DYNC1I1: variants seen among roughly 807,000 people sequenced by gnomAD.
DYNC1I1 encodes dynein cytoplasmic 1 intermediate chain 1, also known as cytoplasmic dynein 1 intermediate chain 1.
A neutral mutation model predicts 86.6 loss-of-function variants in DYNC1I1; 43 were observed. The observed-to-expected ratio is 0.50, with a 90% CI of 0.39 to 0.64. DYNC1I1 has a LOEUF of 0.64. DYNC1I1 is among the 30% of genes least tolerant of loss of function. The pLI, the probability that DYNC1I1 is intolerant of heterozygous loss-of-function variation, is 0.00. For synonymous variants in DYNC1I1, 262 were observed against 283.7 expected (o/e 0.92, Z 0.77); for missense variants, 604 against 788.8 (o/e 0.77, Z 2.81).
intron 14 of DYNC1I1, among the ~76,000 whole-genome samples, chr7:96,072,895 T>A (rs937379795): frequency 3.3e-5 from 5 of 152,230 alleles, no homozygotes; most frequent in African/African-American, 1.2e-4. Context: ...CAGATTTTTT[T>A]AATCAGGTCT....
At chr7:95,913,785 T>G (rs966201789) in intron 6 of DYNC1I1, among the ~76,000 whole-genome samples, 2 of 152,238 alleles carry the variant, frequency 1.3e-5, no homozygotes, top group African/African-American at 4.8e-5. Flanking sequence ...CTCTATTCAC[T>G]AATAATGCTA....
intron 5 of DYNC1I1, among the ~76,000 whole-genome samples, chr7:95,833,241 G>T (rs1451173557): frequency 7.2e-6 from 1 of 139,438 alleles, no homozygotes; most frequent in Non-Finnish European, 1.5e-5. Flanking sequence ...TTTCCCCATT[G>T]CTTGTTTTTC....
intron 6 of DYNC1I1, among the ~76,000 whole-genome samples, chr7:95,918,488 G>A (rs921080272): frequency 5.3e-5 from 8 of 152,192 alleles, no homozygotes; most frequent in African/African-American, 1.7e-4. Context: ...TTGTTCATGA[G>A]GGAAATTGTG....
chr7:95,923,936 G>A (rs1017065002), intron 6 of DYNC1I1, among the ~76,000 whole-genome samples: 12 of 152,090 alleles, frequency 7.9e-5, no homozygotes, highest in African/African-American at 2.2e-4. Flanking sequence ...TGACACCAAG[G>A]CATGGGAAGA....
At chr7:95,778,109 C>T (rs1463142959) in intron 1 of DYNC1I1, among the ~76,000 whole-genome samples, 1 of 152,162 alleles carries the variant, frequency 6.6e-6, no homozygotes, top group Admixed American at 6.5e-5. Context: ...TTATATCTTG[C>T]AGTTAAGCAC....
chr7:96,094,392 C>A (rs1256042806), intron 16 of DYNC1I1, among the ~76,000 whole-genome samples: 2 of 152,170 alleles, frequency 1.3e-5, no homozygotes, highest in African/African-American at 4.8e-5. Flanking sequence ...CATTTATGTT[C>A]TTGAGCCTAC....
At chr7:95,794,973 A>G (rs914739755) in intron 1 of DYNC1I1, among the ~76,000 whole-genome samples, 1 of 152,258 alleles carries the variant, frequency 6.6e-6, no homozygotes, top group Non-Finnish European at 1.5e-5. Flanking sequence ...CTCTACAGCC[A>G]CAAATAGGTC....
intron 6 of DYNC1I1, among the ~76,000 whole-genome samples, chr7:95,877,601 A>G (rs1396844201): frequency 6.6e-6 from 1 of 152,252 alleles, no homozygotes. Flanking sequence ...GGCATCCTCA[A>G]AACAATCAAG....
rs529669884 is a variant in DYNC1I1, at chr7:96,035,566, T to C, written c.1231-53T>C. 5 of 1,516,684 alleles carry C rather than the reference T, an allele frequency of 3.3e-6. No homozygotes were observed. The East Asian group carries it at 1.2e-4, about 38-fold the overall frequency. 94.0% of individuals were successfully genotyped at this position (1,516,684 alleles called of 1,614,324 possible). On this transcript the variant is annotated intron_variant, in intron 12 of 16. Transcript: ENST00000447467. ...CCAAATGATTTTTCCGTGCTATCTT[T>C]GGCATGGCAAGGAGTTGACAGATGG...
chr7:95,795,224 A>C (rs542906117), intron 1 of DYNC1I1, among the ~76,000 whole-genome samples: 5 of 152,358 alleles, frequency 3.3e-5, no homozygotes, highest in African/African-American at 1.2e-4. Context: ...AATTAGTAAA[A>C]TCTTGAATAA....
chr7:95,916,498 G>A (rs1183438237), intron 6 of DYNC1I1, among the ~76,000 whole-genome samples: 1 of 152,134 alleles, frequency 6.6e-6, no homozygotes, highest in Admixed American at 6.5e-5. Context: ...AGAATAATCA[G>A]TAGACATTTG....
intron 10 of DYNC1I1, among the ~76,000 whole-genome samples, chr7:96,013,977 C>G (rs558576209): frequency 6.6e-6 from 1 of 152,286 alleles, no homozygotes; most frequent in African/African-American, 2.4e-5. Flanking sequence ...TCCACTACGT[C>G]TGTATCCTAT....
In DYNC1I1 at chr7:96,057,359, T is replaced by C. The variant is rs1044958882; in HGVS notation, c.1509+17938T>C. ...CACAGTAGAAGTTAAAGAAAAAAAA[T>C]GTCTAGAAAGGAGTGATTTAGAGAT... On this transcript the variant is annotated intron_variant, in intron 14 of 16. Transcript: ENST00000447467. Among the ~76,000 whole-genome samples the C allele has an allele frequency of 6.6e-5, 10 of 152,242 alleles. No homozygotes were observed. In the East Asian group the frequency reaches 1.9e-3, roughly 29 times the overall value.
chr7:95,939,918 T>C (rs1792155733), intron 6 of DYNC1I1, among the ~76,000 whole-genome samples: 1 of 152,188 alleles, frequency 6.6e-6, no homozygotes, highest in African/African-American at 2.4e-5. Flanking sequence ...TTTGGCATGA[T>C]TTTGCAGTGG....
At chr7:95,808,261 CAAAT>C (rs898546751) in intron 2 of DYNC1I1, among the ~76,000 whole-genome samples, 9 of 152,110 alleles carry the variant, frequency 5.9e-5, no homozygotes, top group African/African-American at 1.9e-4. Context: ...TTCAATAAAA[CAAAT>C]AAATTTAACA....
chr7:96,080,041 A>G (rs1004544751), intron 15 of DYNC1I1, among the ~76,000 whole-genome samples: 4 of 152,078 alleles, frequency 2.6e-5, no homozygotes, highest in African/African-American at 7.2e-5. Context: ...GAAGGATCCC[A>G]TTTAGCTCCT....
chr7:95,924,724 G>A (rs1173902218), intron 6 of DYNC1I1, among the ~76,000 whole-genome samples: 2 of 152,176 alleles, frequency 1.3e-5, no homozygotes, highest in African/African-American at 4.8e-5. Context: ...CAAAAACAAA[G>A]ATGTGGAAAG....
chr7:95,972,486 ACT>A (rs1252748937), intron 6 of DYNC1I1, among the ~76,000 whole-genome samples: 1 of 152,072 alleles, frequency 6.6e-6, no homozygotes, highest in African/African-American at 2.4e-5. Context: ...ACAGCAGGAA[ACT>A]CTTTCCCCCT....
intron 15 of DYNC1I1, among the ~76,000 whole-genome samples, chr7:96,076,622 T>C (rs1790349136): frequency 6.6e-6 from 1 of 152,188 alleles, no homozygotes; most frequent in South Asian, 2.1e-4. Context: ...ACTTGTACCG[T>C]TTCTATTTTG....
Sources: allele counts gnomAD v4.1 joint callset (sites outside exome capture counted in the v4.1 genomes callset), GRCh38; gene constraint gnomAD v4.1.1; transcripts MANE v1.5; gene names NCBI Gene and HGNC (gene_info 2026-07-23, HGNC 2026-07-21).